Variants in CDH4 observed in about 807,000 individuals in gnomAD.
CDH4 encodes the protein cadherin-4.
In CDH4, 33 loss-of-function variants were observed where a neutral mutation model predicts 86.0. The ratio of observed to expected loss-of-function variants is 0.38; its 90% CI spans 0.29 to 0.51. The LOEUF (loss-of-function observed/expected upper bound fraction) is 0.51. CDH4 is among the 20% of genes least tolerant of loss of function. The pLI, the probability that CDH4 is intolerant of heterozygous loss-of-function variation, is 0.86. For synonymous variants in CDH4, 555 were observed against 549.4 expected (o/e 1.01, Z -0.14); for missense variants, 1,114 against 1,307.4 (o/e 0.85, Z 2.28).
intron 4 of CDH4, among the ~76,000 whole-genome samples, chr20:61,822,339 TG>T (rs1981088097): frequency 6.6e-6 from 1 of 152,236 alleles, no homozygotes; most frequent in South Asian, 2.1e-4. Flanking sequence ...AGCAATAATG[TG>T]GGAGACAGTC....
intron 4 of CDH4, among the ~76,000 whole-genome samples, chr20:61,794,817 C>T (rs1163882456): frequency 2.0e-5 from 3 of 152,218 alleles, no homozygotes; most frequent in Non-Finnish European, 4.4e-5. Context: ...AGACCTGCCA[C>T]AGGGCTCATT....
chr20:61,514,575 C>G (rs2149479), intron 2 of CDH4, among the ~76,000 whole-genome samples: 1 of 151,900 alleles, frequency 6.6e-6, no homozygotes, highest in Non-Finnish European at 1.5e-5. Context: ...TGAAGGCACT[C>G]AGGATTTTCC....
rs560841784 is a variant in CDH4, at chr20:61,576,303, C to T, written c.170-167260C>T. Among the ~76,000 whole-genome samples, 7 of 152,342 alleles carry T rather than the reference C, an allele frequency of 4.6e-5. No homozygotes were observed. The South Asian group carries it at 1.4e-3, about 32-fold the overall frequency. On this transcript the variant is annotated intron_variant, in intron 2 of 15. Coordinates refer to ENST00000614565, the MANE Select transcript of CDH4 (RefSeq NM_001794.5). Reference sequence around the variant, plus strand: ...CAGCAGAGCCATTAACCCTCTCTGTCATGATGCTTCCCCAGCTGATCGTGT... The same window carrying T: ...CAGCAGAGCCATTAACCCTCTCTGTTATGATGCTTCCCCAGCTGATCGTGT...
At chr20:61,746,803 C>A (rs1026842633) in intron 3 of CDH4, among the ~76,000 whole-genome samples, 4 of 152,238 alleles carry the variant, frequency 2.6e-5, no homozygotes, top group African/African-American at 9.6e-5. Context: ...TTCCAGGCTT[C>A]ACAGTCCTGT....
chr20:61,405,989 T>C (rs1249424217), intron 2 of CDH4, among the ~76,000 whole-genome samples: 1 of 152,220 alleles, frequency 6.6e-6, no homozygotes, highest in African/African-American at 2.4e-5. Context: ...CTATAATTTC[T>C]ATAATTGATG....
intron 8 of CDH4, among the ~76,000 whole-genome samples, chr20:61,897,206 C>T (rs964448629): frequency 6.6e-6 from 1 of 152,144 alleles, no homozygotes; most frequent in Non-Finnish European, 1.5e-5. Flanking sequence ...AGAAGATAAA[C>T]AAGGGGCATT....
At chr20:61,383,578 GAATATA>G (rs2145452340) in intron 2 of CDH4, among the ~76,000 whole-genome samples, 1 of 35,728 alleles carries the variant, frequency 2.8e-5, no homozygotes, top group East Asian at 4.3e-3. Context: ...TGATATATAT[GAATATA>G]TATGAATATA....
chr20:61,347,497 G>A (rs892217822), intron 2 of CDH4, among the ~76,000 whole-genome samples: 2 of 152,172 alleles, frequency 1.3e-5, no homozygotes, highest in East Asian at 1.9e-4. Context: ...TGCTTCCTGC[G>A]GTGACTAAAT....
At chr20:61,442,170 G>A (rs1405976833) in intron 2 of CDH4, among the ~76,000 whole-genome samples, 1 of 152,150 alleles carries the variant, frequency 6.6e-6, no homozygotes, top group East Asian at 1.9e-4. Flanking sequence ...GAGCACATAA[G>A]CGAGGATGTA....
At chr20:61,772,519 T>G (rs546490865) in intron 3 of CDH4, among the ~76,000 whole-genome samples, 1 of 152,386 alleles carries the variant, frequency 6.6e-6, no homozygotes. Context: ...CATTTGATTT[T>G]TTTATTTCTA....
intron 2 of CDH4, among the ~76,000 whole-genome samples, chr20:61,284,323 AT>A (rs796663040): frequency 5.2e-4 from 79 of 152,262 alleles, no homozygotes; most frequent in African/African-American, 1.7e-3. Flanking sequence ...CAAAAAAAAA[AT>A]CTGCTTAGCT....
chr20:61,774,479 T>G (rs895714840), intron 4 of CDH4, among the ~76,000 whole-genome samples: 1 of 152,248 alleles, frequency 6.6e-6, no homozygotes, highest in Admixed American at 6.5e-5. Context: ...TTGCTTGTGT[T>G]GTCATTGACT....
intron 3 of CDH4, among the ~76,000 whole-genome samples, chr20:61,767,939 T>C (rs2088719783): frequency 6.6e-6 from 1 of 152,184 alleles, no homozygotes; most frequent in South Asian, 2.1e-4. Context: ...TGCCCCCTCA[T>C]GCATCTTCCC....
chr20:61,595,025 C>T (rs114685471), intron 2 of CDH4, among the ~76,000 whole-genome samples: 1,629 of 152,348 alleles, frequency 0.011, 31 homozygotes, highest in African/African-American at 0.037. Context: ...GGGCTCCATC[C>T]GGGCACCCTG....
At chr20:61,296,258 T>TGTGCGTGTGTGTGTGCGTGGGTGC (rs2084352033) in intron 2 of CDH4, among the ~76,000 whole-genome samples, 1 of 20,726 alleles carries the variant, frequency 4.8e-5, no homozygotes, top group African/African-American at 6.7e-5. Context: ...TGTGTGCATG[T>TGTGCGTGTGTGTGTGCGTGGGTGC]GTGCGTGTGT....
intron 2 of CDH4, among the ~76,000 whole-genome samples, chr20:61,586,646 A>G (rs1423292238): frequency 1.3e-5 from 2 of 152,214 alleles, no homozygotes; most frequent in Non-Finnish European, 2.9e-5. Context: ...AACTTGAGGC[A>G]CAGGAAGTTG....
At chr20:61,260,389 G>A (rs575442097) in intron 2 of CDH4, among the ~76,000 whole-genome samples, 5 of 152,268 alleles carry the variant, frequency 3.3e-5, no homozygotes, top group South Asian at 2.1e-4. Context: ...ATATTAAGCC[G>A]GGACTATCTG....
intron 2 of CDH4, among the ~76,000 whole-genome samples, chr20:61,739,861 G>C (rs182384607): frequency 6.6e-6 from 1 of 152,220 alleles, no homozygotes; most frequent in African/African-American, 2.4e-5. Flanking sequence ...CTCTCCAGCC[G>C]ACGCCTCAGG....
In CDH4 at chr20:61,663,212, C is replaced by T. The variant is rs749212267; in HGVS notation, c.170-80351C>T. Among the ~76,000 whole-genome samples the T allele has an allele frequency of 1.3e-5, 2 of 152,220 alleles. No homozygotes were observed. The highest frequency in any genetic ancestry group is 1.5e-5 in the Non-Finnish European group (1 of 68,044). ...TCCGTGTGTGGACTGATGAGGTAAA[C>T]GTTCTGTGACAAAGCCCCTGTCCCA... On this transcript the variant is annotated intron_variant, in intron 2 of 15. Coordinates refer to ENST00000614565, the MANE Select transcript of CDH4 (RefSeq NM_001794.5). This position sits in a 1 kb window ranked among gnomAD's most constrained non-coding sequence, Gnocchi z 5.0.
Sources: gnomAD v4.1 joint callset for allele counts (sites outside exome capture counted in the v4.1 genomes callset) on GRCh38, gnomAD v4.1.1 for gene constraint, Gnocchi (gnomAD v3.1) non-coding constraint, MANE v1.5 for transcripts, NCBI Gene and HGNC (gene_info 2026-07-23, HGNC 2026-07-21) for gene names.